The following NOVA2 variants were observed in gnomAD, a reference collection of about 807,000 sequenced individuals.
The protein encoded by NOVA2 is RNA-binding protein Nova-2.
In NOVA2, 9 loss-of-function variants were observed where a neutral mutation model predicts 22.5. That is an observed-to-expected ratio of 0.40 (90% confidence interval 0.24 to 0.70). The LOEUF (loss-of-function observed/expected upper bound fraction) is 0.70, where lower values mean the gene tolerates loss of function less well. Among genes scored for constraint, NOVA2 ranks in the 30% least tolerant of loss-of-function variants. The pLI, the probability that NOVA2 is intolerant of heterozygous loss-of-function variation, is 0.38. For synonymous variants in NOVA2, 318 were observed against 335.2 expected (o/e 0.95, Z 0.56); for missense variants, 383 against 682.8 (o/e 0.56, Z 4.89).
At chr19:45,945,974 C>T (rs1967831625) in intron 3 of NOVA2, among the ~76,000 whole-genome samples, 1 of 138,614 alleles carries the variant, frequency 7.2e-6, no homozygotes, top group African/African-American at 2.7e-5. Flanking sequence ...CACTGCCCTC[C>T]AGCCTGAATG....
intron 1 of NOVA2, among the ~76,000 whole-genome samples, chr19:45,965,375 C>T (rs1217497896): frequency 6.6e-6 from 1 of 152,180 alleles, no homozygotes; most frequent in Non-Finnish European, 1.5e-5. Flanking sequence ...CTCTCTTGTA[C>T]TTCTTTAAAC....
At chr19:45,951,618 C>A (rs1967926218) in intron 3 of NOVA2, among the ~76,000 whole-genome samples, 2 of 131,468 alleles carry the variant, frequency 1.5e-5, no homozygotes, top group African/African-American at 5.9e-5. Context: ...AACTCCGTTT[C>A]AAAAAAAAAA....
intron 2 of NOVA2, among the ~76,000 whole-genome samples, chr19:45,960,577 G>A (rs1568669967): frequency 6.6e-6 from 1 of 151,896 alleles, no homozygotes; most frequent in Non-Finnish European, 1.5e-5. Context: ...ATGACACCGA[G>A]ACAGAGAAAA....
At chr19:45,960,285 A>G (rs1276044573) in intron 2 of NOVA2, among the ~76,000 whole-genome samples, 1 of 151,408 alleles carries the variant, frequency 6.6e-6, no homozygotes, top group Non-Finnish European at 1.5e-5. Context: ...GGATGATTGA[A>G]CAGAGTTCAG....
intron 1 of NOVA2, among the ~76,000 whole-genome samples, chr19:45,963,782 G>A (rs966909832): frequency 6.6e-5 from 10 of 152,104 alleles, no homozygotes; most frequent in South Asian, 4.2e-4. Context: ...TGCCCTCCTC[G>A]GCCTCCCAAA....
At chr19:45,971,415 A>G (rs930715381) in intron 1 of NOVA2, among the ~76,000 whole-genome samples, 6 of 152,030 alleles carry the variant, frequency 3.9e-5, no homozygotes, top group African/African-American at 1.5e-4. Flanking sequence ...GGAGGGAAGG[A>G]AGTCGGGGAC....
chr19:45,949,239 A>G (rs945506177), intron 3 of NOVA2, among the ~76,000 whole-genome samples: 1 of 152,016 alleles, frequency 6.6e-6, no homozygotes, highest in African/African-American at 2.4e-5. Context: ...CTCTGTGAAC[A>G]TACAACAAAA....
chr19:45,943,227 TG>T (rs1967787837), intron 3 of NOVA2, among the ~76,000 whole-genome samples: 1 of 151,298 alleles, frequency 6.6e-6, no homozygotes, highest in Non-Finnish European at 1.5e-5. Context: ...CTAATTTTTT[TG>T]TATTTTTAGT....
At chr19:45,949,148 G>C (rs1191622470) in intron 3 of NOVA2, among the ~76,000 whole-genome samples, 1 of 152,010 alleles carries the variant, frequency 6.6e-6, no homozygotes, top group African/African-American at 2.4e-5. Context: ...CTGGGGGAAT[G>C]GTGAGTGACT....
Position 45,946,827 on chromosome 19 carries a change from A to G in NOVA2, c.397-5882T>C, listed in dbSNP as rs374623498. Among the ~76,000 whole-genome samples, 15 of 151,444 alleles carry G rather than the reference A, an allele frequency of 9.9e-5. No individual in the cohort carries two copies. In the East Asian group the frequency reaches 2.7e-3, roughly 27 times the overall value. ...GCGGAGGTTGCAGCGAGCCGAGATC[A>G]TCGCACCACTGCATTCCAGCCTGGT... On this transcript the variant is annotated intron_variant, in intron 3 of 3. Coordinates refer to ENST00000263257, the MANE Select transcript of NOVA2 (RefSeq NM_002516.4).
chr19:45,939,875 C>A lies in NOVA2; in HGVS notation c.1467G>T (p.Gln489His). 1 of 1,614,134 alleles carries A rather than the reference C, an allele frequency of 6.2e-7. No individual in the cohort carries two copies. The change falls in exon 4 of 4, where the codon CAG becomes CAT. Residue 489 changes from glutamine (Q) to histidine (H), a missense_variant. Around this residue, in one of 2 missense-constraint regions of NOVA2, gnomAD observed 34 missense variants for 104.7 expected, o/e 0.32. Transcript: ENST00000263257. ...CACACCACAGGCCTCATCCCACTTTCTGGGGGTTTGAGGCCCTCACTCCCT... is the reference window on the plus strand; with the variant it reads ...CACACCACAGGCCTCATCCCACTTTATGGGGGTTTGAGGCCCTCACTCCCT... ...YEQGVRASNPQKVG is the reference protein window; with the variant it reads ...YEQGVRASNPHKVG
Position 45,934,466 on chromosome 19 carries a change from C to A in NOVA2, c.*5397G>T, listed in dbSNP as rs1245319885. On this transcript the variant is annotated 3_prime_UTR_variant, in exon 4 of 4. Transcript: ENST00000263257. ...TTCCACACCTCTCCCACCACCCTGC[C>A]GGGGAATCTATGCACCCCATCCCTC... is the stretch of plus-strand genomic sequence containing the variant. 1 of 152,204 alleles carries A rather than the reference C, an allele frequency of 6.6e-6. No individual in the cohort carries two copies. Among genetic ancestry groups the A allele is most frequent in the Non-Finnish European group, 1.5e-5 (1 of 68,072 alleles). The allele number at this position is 152,204 out of a possible 1,614,324, so 9.4% of individuals were successfully genotyped here.
rs537320086 is a variant in NOVA2 at position 45,938,591 on chromosome 19, T to C, written c.*1272A>G. On this transcript the variant is annotated 3_prime_UTR_variant, in exon 4 of 4. Coordinates refer to ENST00000263257, the MANE Select transcript of NOVA2 (RefSeq NM_002516.4). ...GGGTGGGAAGGGAGGTCTTTAACAG[T>C]AGTTTGCACTAGGTCCATCTCCCAC... 5 of 152,482 alleles carry C rather than the reference T, an allele frequency of 3.3e-5. No individual in the cohort carries two copies. The highest frequency in any genetic ancestry group is 1.2e-4 in the African/African-American group (5 of 41,550). The allele number at this position is 152,482 out of a possible 1,614,324, so 9.4% of individuals were successfully genotyped here.
chr19:45,964,579 C>CTCTCTCTCTCTCTCTT (rs1177510257), intron 1 of NOVA2, among the ~76,000 whole-genome samples: 2 of 151,242 alleles, frequency 1.3e-5, no homozygotes, highest in Non-Finnish European at 3.0e-5. Flanking sequence ...CTCTCTCTCT[C>CTCTCTCTCTCTCTCTT]TCTCTTTCTC....
At chr19:45,949,637 T>C (rs955987878) in intron 3 of NOVA2, among the ~76,000 whole-genome samples, 3 of 152,164 alleles carry the variant, frequency 2.0e-5, no homozygotes, top group Admixed American at 6.5e-5. Flanking sequence ...ATCCATACGA[T>C]TTGTGCAAAT....
At position 45,969,402 on chromosome 19, in the gene NOVA2, G is replaced by T. The variant is rs148184794; in HGVS notation, c.85+3865C>A. 1.5e-3 allele frequency among the ~76,000 whole-genome samples: 217 copies of T among 147,788 alleles called. 5 individuals are homozygous for T. The East Asian group carries it at 0.036, about 25-fold the overall frequency. The stretch of plus-strand genomic sequence containing the variant: ...CACACCTGTAGTTCCAGCTACTGGG[G>T]AAACTGAGATGGGAGCATCACCTGA... On this transcript the variant is annotated intron_variant, in intron 1 of 3. Coordinates refer to ENST00000263257, the MANE Select transcript of NOVA2 (RefSeq NM_002516.4).
intron 3 of NOVA2, among the ~76,000 whole-genome samples, chr19:45,951,420 T>C (rs571035412): frequency 1.3e-5 from 2 of 152,170 alleles, no homozygotes; most frequent in East Asian, 3.9e-4. Context: ...AATTCGAGAC[T>C]GGCCTGGCCA....
At chr19:45,949,259 T>G (rs1967887145) in intron 3 of NOVA2, among the ~76,000 whole-genome samples, 1 of 149,616 alleles carries the variant, frequency 6.7e-6, no homozygotes, top group South Asian at 2.1e-4. Flanking sequence ...ACTACTAAAC[T>G]GTACACTTCT....
At chr19:45,942,406 C>T (rs1391175819) in intron 3 of NOVA2, among the ~76,000 whole-genome samples, 1 of 152,100 alleles carries the variant, frequency 6.6e-6, no homozygotes, top group East Asian at 1.9e-4. Context: ...TCAGAAGAAA[C>T]CAACCCTGCT....
Sources: allele counts gnomAD v4.1 joint callset (sites outside exome capture counted in the v4.1 genomes callset), GRCh38; gene constraint gnomAD v4.1.1; regional missense constraint gnomAD v4.1.1; transcripts MANE v1.5; gene names NCBI Gene and HGNC (gene_info 2026-07-23, HGNC 2026-07-21).